MTX2: variants seen among roughly 807,000 people sequenced by gnomAD.
MTX2 encodes the protein metaxin 2, also known as metaxin-2.
Under a neutral mutation model 42.3 loss-of-function variants are expected in MTX2, and 35 were observed. That is an observed-to-expected ratio of 0.83 (90% CI 0.63 to 1.10). The LOEUF is 1.10. Ranked by LOEUF, MTX2 falls within the 50% of genes least tolerant of loss-of-function variation. MTX2 has a pLI of 0.00. For missense variants in MTX2, 307 were observed against 304.1 expected, an observed-to-expected ratio of 1.01 and a Z score of -0.07; for synonymous variants, 119 against 100.9, an observed-to-expected ratio of 1.18 and a Z score of -1.08.
At chr2:176,290,944 C>T (rs1449872510) in intron 1 of MTX2, among the ~76,000 whole-genome samples, 1 of 152,052 alleles carries the variant, frequency 6.6e-6, no homozygotes, top group Admixed American at 6.6e-5. Flanking sequence ...ACTGCTGTAT[C>T]ACTCCTCAGT....
chr2:176,296,631 T>TA (rs1683893097), intron 1 of MTX2, among the ~76,000 whole-genome samples: 1 of 152,094 alleles, frequency 6.6e-6, no homozygotes, highest in African/African-American at 2.4e-5. Flanking sequence ...TCTTCCCCAT[T>TA]AAAAAACAAT....
chr2:176,335,776 A>C (rs571994759), intron 9 of MTX2, among the ~76,000 whole-genome samples: 1 of 152,206 alleles, frequency 6.6e-6, no homozygotes, highest in East Asian at 1.9e-4. Context: ...AATTACTGCT[A>C]TTGAGAAAAT....
intron 3 of MTX2, among the ~76,000 whole-genome samples, chr2:176,301,184 G>A (rs1246097324): frequency 1.3e-5 from 2 of 152,064 alleles, no homozygotes; most frequent in African/African-American, 4.8e-5. Flanking sequence ...TACTTTTATT[G>A]TATAAGACAC....
chr2:176,272,987 A>G (rs1327311863), intron 1 of MTX2, among the ~76,000 whole-genome samples: 1 of 152,206 alleles, frequency 6.6e-6, no homozygotes, highest in Non-Finnish European at 1.5e-5. Flanking sequence ...AAAAAAATTC[A>G]AGTCTCACAT....
intron 1 of MTX2, among the ~76,000 whole-genome samples, chr2:176,295,098 A>G (rs2105411610): frequency 6.6e-6 from 1 of 152,328 alleles, no homozygotes; most frequent in African/African-American, 2.4e-5. Flanking sequence ...CATCAACTGT[A>G]TGCAAATCGT....
At chr2:176,284,726 ATCT>A (rs923530283) in intron 1 of MTX2, among the ~76,000 whole-genome samples, 1 of 150,026 alleles carries the variant, frequency 6.7e-6, no homozygotes, top group Non-Finnish European at 1.5e-5. Context: ...ATGGTCAAAA[ATCT>A]TCTTGAAAAA....
chr2:176,314,448 A>C (rs945391057), intron 3 of MTX2, among the ~76,000 whole-genome samples: 1 of 152,000 alleles, frequency 6.6e-6, no homozygotes, highest in Admixed American at 6.6e-5. Context: ...AAAAAAAAAA[A>C]ACCCAATATA....
intron 1 of MTX2, among the ~76,000 whole-genome samples, chr2:176,288,702 A>C (rs1396717577): frequency 1.3e-5 from 2 of 151,726 alleles, no homozygotes; most frequent in African/African-American, 4.8e-5. Context: ...GATGGATTGG[A>C]AATATGACAG....
At chr2:176,335,055 ATTAT>A (rs1451586148) in intron 9 of MTX2, among the ~76,000 whole-genome samples, 5 of 151,542 alleles carry the variant, frequency 3.3e-5, no homozygotes, top group African/African-American at 9.7e-5. Context: ...CAAAAAAAAA[ATTAT>A]ATGGTATTAA....
chr2:176,281,237 A>G (rs1447531249), intron 1 of MTX2, among the ~76,000 whole-genome samples: 25 of 152,172 alleles, frequency 1.6e-4, no homozygotes, highest in Admixed American at 1.6e-3. Context: ...TATACAGCAC[A>G]GGAAAGATGG....
At chr2:176,332,186 A>G (rs115259205) in intron 9 of MTX2, among the ~76,000 whole-genome samples, 204 of 151,504 alleles carry the variant, frequency 1.3e-3, no homozygotes, top group Middle Eastern at 3.4e-3. Flanking sequence ...TTTCCCTAAA[A>G]ATAAGATTAA....
At chr2:176,337,423 G>T in intron 9 of MTX2, 70 bp from the exon 10 acceptor site, 2 of 1,351,670 alleles carry the variant, frequency 1.5e-6, no homozygotes, top group East Asian at 2.5e-5. Flanking sequence ...TGGGTGAAGA[G>T]GGCCAACTGT....
At chr2:176,270,500 C>T in intron 1 of MTX2, 1 of 1,036,906 alleles carries the variant, frequency 9.6e-7, no homozygotes, top group Admixed American at 2.2e-5. Context: ...GGAGACTAAA[C>T]ATAGGTACTT....
At chr2:176,291,041 G>A (rs1349580543) in intron 1 of MTX2, among the ~76,000 whole-genome samples, 1 of 151,892 alleles carries the variant, frequency 6.6e-6, no homozygotes, top group Non-Finnish European at 1.5e-5. Context: ...AAAATCTCAT[G>A]TCCTTATCAA....
chr2:176,300,362 A>G (rs1683991656), intron 3 of MTX2, among the ~76,000 whole-genome samples: 1 of 152,144 alleles, frequency 6.6e-6, no homozygotes, highest in African/African-American at 2.4e-5. Flanking sequence ...AATTGGCAAA[A>G]TGTATTTTAA....
intron 9 of MTX2, among the ~76,000 whole-genome samples, chr2:176,333,698 C>G (rs1158862045): frequency 1.3e-5 from 2 of 151,464 alleles, no homozygotes; most frequent in Non-Finnish European, 3.0e-5. Context: ...TGATGATGGT[C>G]CCTTGAGATT....
chr2:176,294,798 C>G (rs905518832), intron 1 of MTX2, among the ~76,000 whole-genome samples: 1 of 152,116 alleles, frequency 6.6e-6, no homozygotes, highest in South Asian at 2.1e-4. Context: ...CAGAAAACAT[C>G]AGAATCACCA....
At chr2:176,288,511 G>C (rs971757243) in intron 1 of MTX2, among the ~76,000 whole-genome samples, 3 of 151,576 alleles carry the variant, frequency 2.0e-5, no homozygotes, top group African/African-American at 7.3e-5. Context: ...ATCCAAATTT[G>C]GAGATAGGCT....
intron 1 of MTX2, among the ~76,000 whole-genome samples, chr2:176,271,090 C>T (rs1171567237): frequency 1.3e-5 from 2 of 152,076 alleles, no homozygotes; most frequent in African/African-American, 2.4e-5. Context: ...TTGGATACTG[C>T]TTTAAGTAGT....
Sources: allele counts gnomAD v4.1 joint callset (sites outside exome capture counted in the v4.1 genomes callset), GRCh38; gene constraint gnomAD v4.1.1; transcripts MANE v1.5; gene names NCBI Gene and HGNC (gene_info 2026-07-23, HGNC 2026-07-21).